Variants in RFTN2 observed in about 807,000 individuals in gnomAD.
The protein encoded by RFTN2 is raftlin-2.
A neutral mutation model predicts 52.7 loss-of-function variants in RFTN2; 34 were observed. The ratio of observed to expected loss-of-function variants is 0.64; its 90% CI spans 0.49 to 0.86. The LOEUF (loss-of-function observed/expected upper bound fraction) is 0.86. RFTN2 is among the 40% of genes least tolerant of loss of function. The pLI, the probability that RFTN2 is intolerant of heterozygous loss-of-function variation, is 0.00. For missense variants in RFTN2, 536 were observed against 600.1 expected, an observed-to-expected ratio of 0.89 and a Z score of 1.12; for synonymous variants, 203 against 217.7, an observed-to-expected ratio of 0.93 and a Z score of 0.59.
chr2:197,576,975 G>A (rs2087429918), intron 8 of RFTN2, among the ~76,000 whole-genome samples: 1 of 152,198 alleles, frequency 6.6e-6, no homozygotes, highest in African/African-American at 2.4e-5. Flanking sequence ...TTACCCCTCT[G>A]CTCACTGAGA....
intron 1 of RFTN2, among the ~76,000 whole-genome samples, chr2:197,650,055 A>G (rs2088803699): frequency 6.6e-6 from 1 of 152,132 alleles, no homozygotes; most frequent in Admixed American, 6.6e-5. Flanking sequence ...ACTAATAGCT[A>G]AAATGGTAAA....
At position 197,633,921 on chromosome 2, in the gene RFTN2, T is replaced by G; in HGVS notation, c.515A>C (p.Asn172Thr). The change falls in exon 4 of 9, where the codon AAT becomes ACT. Residue 172 changes from asparagine (N) to threonine (T), a missense_variant. Transcript: ENST00000295049. Reference sequence around the variant, plus strand: ...TATATCTCCATCATGGTTGGTTCCATTGCAGAATTTAGATGGAGAATAATG... The same window carrying G: ...TATATCTCCATCATGGTTGGTTCCAGTGCAGAATTTAGATGGAGAATAATG... ...SQHYSPSKFC[N>T]GTNHDGDIES... 6.2e-7 allele frequency: 1 copy of G among 1,613,522 alleles called. No homozygotes were observed. Among genetic ancestry groups the G allele is most frequent in the East Asian group, 2.2e-5 (1 of 44,872 alleles).
rs201711932 is a variant in RFTN2 at position 197,626,614 on chromosome 2, C to CTTTTTTTTTTTTTTTT, written c.928+4396_928+4397insAAAAAAAAAAAAAAAA. Among the ~76,000 whole-genome samples the CTTTTTTTTTTTTTTTT allele has an allele frequency of 4.1e-5, 4 of 97,592 alleles. 2 individuals carry two copies. Among genetic ancestry groups the CTTTTTTTTTTTTTTTT allele is most frequent in the Non-Finnish European group, 7.6e-5 (4 of 52,430 alleles). The allele number at this position is 97,592 out of a possible 152,430, so 64.0% of individuals were successfully genotyped here. ...AGTTAAAATAAAAAAAAGGAATAAT[C>CTTTTTTTTTTTTTTTT]TTCTTTTTTTTTTTTTTTTTTTTTT... On this transcript the variant is annotated intron_variant, in intron 5 of 8. Coordinates refer to ENST00000295049, the MANE Select transcript of RFTN2 (RefSeq NM_144629.3).
intron 1 of RFTN2, among the ~76,000 whole-genome samples, chr2:197,654,727 G>T (rs1276647807): frequency 6.6e-6 from 1 of 152,044 alleles, no homozygotes; most frequent in Non-Finnish European, 1.5e-5. Flanking sequence ...GCTGGGCATG[G>T]TGGCTCATGC....
At chr2:197,631,304 T>G (rs2088466269) in intron 4 of RFTN2, 84 bp from the exon 5 acceptor site, 4 of 941,268 alleles carry the variant, frequency 4.2e-6, no homozygotes, top group Non-Finnish European at 5.1e-6. Context: ...TCATGAGATA[T>G]TCCAAGCATA....
At chr2:197,660,332 A>G (rs1280456142) in intron 1 of RFTN2, among the ~76,000 whole-genome samples, 2 of 152,246 alleles carry the variant, frequency 1.3e-5, no homozygotes, top group African/African-American at 2.4e-5. Context: ...AATAACTTAG[A>G]AATATAAACT....
At chr2:197,646,408 G>T in intron 2 of RFTN2, 75 bp downstream of exon 2, 1 of 1,232,732 alleles carries the variant, frequency 8.1e-7, no homozygotes, top group South Asian at 1.6e-5. Flanking sequence ...TCTGCCACTT[G>T]ATTCAAATTT....
intron 2 of RFTN2, among the ~76,000 whole-genome samples, chr2:197,645,731 A>G (rs2088738480): frequency 6.6e-6 from 1 of 152,242 alleles, no homozygotes; most frequent in Non-Finnish European, 1.5e-5. Context: ...TGTCGTTAAA[A>G]GTTTTAGAAT....
intron 7 of RFTN2, among the ~76,000 whole-genome samples, chr2:197,614,760 C>T (rs193126277): frequency 4.6e-5 from 7 of 152,220 alleles, no homozygotes; most frequent in East Asian, 1.9e-4. Flanking sequence ...AGGTTGAGGG[C>T]GGGGGTGTCA....
At chr2:197,583,552 C>A (rs533909215) in intron 8 of RFTN2, among the ~76,000 whole-genome samples, 2 of 151,950 alleles carry the variant, frequency 1.3e-5, no homozygotes, top group Admixed American at 1.3e-4. Flanking sequence ...AAAGGTAGAA[C>A]GGACTAATGG....
intron 1 of RFTN2, among the ~76,000 whole-genome samples, chr2:197,664,502 C>G (rs61285562): frequency 0.012 from 1,812 of 149,214 alleles, 32 homozygotes; most frequent in African/African-American, 0.042. Flanking sequence ...TGGCTAGGTG[C>G]AGTGGCTTAT....
Position 197,646,646 on chromosome 2 carries a change from T to C in RFTN2, c.160A>G (p.Ile54Val). 6.2e-7 allele frequency: 1 copy of C among 1,612,976 alleles called. No homozygotes were observed. The highest frequency in any genetic ancestry group is 8.5e-7 in the Non-Finnish European group (1 of 1,179,020). Residue 54 changes from isoleucine to valine, a missense_variant, in exon 2 of 9, where the codon ATC becomes GTC. Coordinates refer to ENST00000295049, the MANE Select transcript of RFTN2 (RefSeq NM_144629.3). ...TLQASSNPEV[I>V]KINSILDIVT... The stretch of plus-strand genomic sequence containing the variant: ...ATATCCAGAATTGAATTTATCTTGA[T>C]GACTTCTGGGTTTGATGAAGCTGAA...
At chr2:197,634,382 A>C (rs1308381997) in intron 3 of RFTN2, among the ~76,000 whole-genome samples, 3 of 152,154 alleles carry the variant, frequency 2.0e-5, no homozygotes, top group Non-Finnish European at 4.4e-5. Flanking sequence ...ACATTACCAA[A>C]TACATCTTCA....
At chr2:197,673,285 C>T (rs2089171907) in intron 1 of RFTN2, among the ~76,000 whole-genome samples, 1 of 152,132 alleles carries the variant, frequency 6.6e-6, no homozygotes, top group South Asian at 2.1e-4. Context: ...TTTTAACCCA[C>T]CCATGACCCA....
chr2:197,588,893 T>C (rs2087644064), intron 8 of RFTN2, among the ~76,000 whole-genome samples: 1 of 152,078 alleles, frequency 6.6e-6, no homozygotes, highest in Non-Finnish European at 1.5e-5. Context: ...TCCGTGCTGC[T>C]CTCATCATAG....
At chr2:197,607,634 A>T (rs1457338715) in intron 7 of RFTN2, among the ~76,000 whole-genome samples, 1 of 152,158 alleles carries the variant, frequency 6.6e-6, no homozygotes, top group Non-Finnish European at 1.5e-5. Flanking sequence ...TGCAACTCAA[A>T]AGTAAATGAG....
intron 1 of RFTN2, among the ~76,000 whole-genome samples, chr2:197,653,563 G>A (rs1249273957): frequency 2.7e-5 from 4 of 150,686 alleles, no homozygotes; most frequent in African/African-American, 9.7e-5. Flanking sequence ...AAAAAAAAAA[G>A]GCTAAAACAA....
rs185971349 is a variant in RFTN2, at chr2:197,621,257, T to C, written c.929-3336A>G. Among the ~76,000 whole-genome samples the C allele has an allele frequency of 2.3e-3, 348 of 152,248 alleles. 1 individual carries two copies. The highest frequency in any genetic ancestry group is 8.2e-3 in the African/African-American group (340 of 41,550). On this transcript the variant is annotated intron_variant, in intron 5 of 8. Transcript: ENST00000295049. ...ATTACATAGTTAATTATAATCTCCT[T>C]CTTTCTTACTTTGGGATTATATAAT...
At chr2:197,615,095 G>A (rs2088120856) in intron 7 of RFTN2, among the ~76,000 whole-genome samples, 1 of 152,222 alleles carries the variant, frequency 6.6e-6, no homozygotes, top group African/African-American at 2.4e-5. Context: ...CTGGGATACT[G>A]GACAGGGCTA....
Sources: gnomAD v4.1 joint callset for allele counts (sites outside exome capture counted in the v4.1 genomes callset) on GRCh38, gnomAD v4.1.1 for gene constraint, MANE v1.5 for transcripts, NCBI Gene and HGNC (gene_info 2026-07-23, HGNC 2026-07-21) for gene names.